Variants in MCU observed in about 807,000 individuals in gnomAD.
MCU encodes mitochondrial calcium uniporter.
A neutral mutation model predicts 45.2 loss-of-function variants in MCU; 12 were observed. That is an observed-to-expected ratio of 0.27 (90% CI 0.17 to 0.43). MCU has a LOEUF of 0.43. MCU is among the 20% of genes least tolerant of loss of function. The pLI is 1.00. For synonymous variants in MCU, 160 were observed against 165.1 expected (o/e 0.97, Z 0.24); for missense variants, 324 against 436.7 (o/e 0.74, Z 2.30).
intron 1 of MCU, among the ~76,000 whole-genome samples, chr10:72,759,761 C>T (rs1564548903): frequency 6.6e-6 from 1 of 152,174 alleles, no homozygotes. Context: ...TAAATGAAGT[C>T]ATAAGGGTGG....
intron 1 of MCU, among the ~76,000 whole-genome samples, chr10:72,759,313 A>G (rs1354045358): frequency 6.6e-6 from 1 of 152,110 alleles, no homozygotes; most frequent in East Asian, 1.9e-4. Context: ...TGCACTGGTA[A>G]TTAGATCGGA....
chr10:72,882,126 A>G (rs1233216489), intron 6 of MCU, among the ~76,000 whole-genome samples: 3 of 152,340 alleles, frequency 2.0e-5, no homozygotes, highest in Non-Finnish European at 4.4e-5. Context: ...ATGGACACTT[A>G]TCACTTCCCC....
At chr10:72,839,343 A>G (rs1179085279) in intron 2 of MCU, among the ~76,000 whole-genome samples, 1 of 148,588 alleles carries the variant, frequency 6.7e-6, no homozygotes, top group South Asian at 2.1e-4. Context: ...AGGGTAGCAA[A>G]TTTTTTTTTT....
At chr10:72,749,101 C>T (rs1843457578) in intron 1 of MCU, among the ~76,000 whole-genome samples, 1 of 151,724 alleles carries the variant, frequency 6.6e-6, no homozygotes, top group Non-Finnish European at 1.5e-5. Context: ...AATCTCATCT[C>T]TCCCAATAAT....
At chr10:72,831,208 A>T (rs1844873299) in intron 1 of MCU, among the ~76,000 whole-genome samples, 1 of 152,244 alleles carries the variant, frequency 6.6e-6, no homozygotes, top group South Asian at 2.1e-4. Flanking sequence ...TGATGTTGTC[A>T]TGTTTTATAA....
Position 72,882,770 on chromosome 10 carries a change from T to A in MCU, c.862-1496T>A, listed in dbSNP as rs143563445. Among the ~76,000 whole-genome samples, 965 of 152,324 alleles carry A rather than the reference T, an allele frequency of 6.3e-3. 15 individuals are homozygous for A. Among genetic ancestry groups the A allele is most frequent in the African/African-American group, 0.022 (910 of 41,576 alleles). ...CTTGTGATATTCTATTACCTTGTGA[T>A]GTATGTGATCTCTGTGACCCACACC... On this transcript the variant is annotated intron_variant, in intron 6 of 7. Coordinates refer to ENST00000373053, the MANE Select transcript of MCU (RefSeq NM_138357.3).
chr10:72,744,409 T>G (rs1232913996), intron 1 of MCU, among the ~76,000 whole-genome samples: 2 of 152,162 alleles, frequency 1.3e-5, no homozygotes, highest in Non-Finnish European at 2.9e-5. Flanking sequence ...AGTGCTAGAA[T>G]TTTTGGCTCA....
chr10:72,847,175 A>G (rs1270488586), intron 2 of MCU, among the ~76,000 whole-genome samples: 1 of 152,134 alleles, frequency 6.6e-6, no homozygotes, highest in Admixed American at 6.5e-5. Context: ...GAGTTTTGCC[A>G]TGTTGGCCAG....
intron 1 of MCU, among the ~76,000 whole-genome samples, chr10:72,745,151 TAAAG>T (rs1298002628): frequency 1.3e-5 from 2 of 152,340 alleles, no homozygotes; most frequent in Non-Finnish European, 2.9e-5. Flanking sequence ...TCAGTTTTCT[TAAAG>T]CAAGCTGGTT....
intron 1 of MCU, among the ~76,000 whole-genome samples, chr10:72,706,708 T>G (rs1842825309): frequency 6.6e-6 from 1 of 151,662 alleles, no homozygotes; most frequent in Non-Finnish European, 1.5e-5. Context: ...AGCTAATTTT[T>G]GTACTTGTAG....
chr10:72,760,285 A>G (rs1564549079), intron 1 of MCU, among the ~76,000 whole-genome samples: 1 of 152,052 alleles, frequency 6.6e-6, no homozygotes, highest in Non-Finnish European at 1.5e-5. Flanking sequence ...TCCTGGGCTC[A>G]AGCGATCCTC....
At position 72,871,648 on chromosome 10, in the gene MCU, T is replaced by C. The variant is rs1845544902; in HGVS notation, c.861+68T>C. ...AGTTTTGATTGTCAAAAGAGTTCTT[T>C]TTTCTCATCTTCTAAAGCCAGTTTT... On this transcript the variant is annotated intron_variant, in intron 6 of 7. Transcript: ENST00000373053. 3.7e-6 allele frequency: 5 copies of C among 1,366,586 alleles called. No individual in the cohort carries two copies. In the East Asian group the frequency reaches 1.2e-4, roughly 32 times the overall value. 84.7% of individuals were successfully genotyped at this position (1,366,586 alleles called of 1,614,324 possible).
intron 1 of MCU, among the ~76,000 whole-genome samples, chr10:72,727,208 C>T (rs920519481): frequency 1.3e-5 from 2 of 152,126 alleles, no homozygotes; most frequent in Non-Finnish European, 2.9e-5. Context: ...CTGTAGAGAA[C>T]GTGTGGGTAG....
intron 1 of MCU, among the ~76,000 whole-genome samples, chr10:72,830,059 A>G (rs1348212206): frequency 4.6e-5 from 7 of 152,214 alleles, no homozygotes. Flanking sequence ...ACATTTTCTT[A>G]AAGGGCCAGA....
At chr10:72,808,453 C>T (rs1300821867) in intron 1 of MCU, among the ~76,000 whole-genome samples, 2 of 152,116 alleles carry the variant, frequency 1.3e-5, no homozygotes, top group Non-Finnish European at 2.9e-5. Context: ...CAGGTACATT[C>T]TTAATATTCA....
At chr10:72,735,091 C>G (rs568765733) in intron 1 of MCU, among the ~76,000 whole-genome samples, 1 of 141,868 alleles carries the variant, frequency 7.0e-6, no homozygotes, top group South Asian at 2.4e-4. Flanking sequence ...AAAAAAAATT[C>G]GTCTGTGTTG....
chr10:72,855,234 A>C (rs549726333), intron 2 of MCU, among the ~76,000 whole-genome samples: 308 of 151,988 alleles, frequency 2.0e-3, no homozygotes, highest in African/African-American at 7.2e-3. Context: ...GCAAGACCCT[A>C]TCTCAAAAAA....
chr10:72,778,488 T>C (rs1345581685), intron 1 of MCU, among the ~76,000 whole-genome samples: 6 of 151,978 alleles, frequency 3.9e-5, no homozygotes, highest in Non-Finnish European at 8.8e-5. Flanking sequence ...CTCATGAAGA[T>C]AGAGTGTAGA....
At chr10:72,695,627 CAT>C (rs1188545565) in intron 1 of MCU, among the ~76,000 whole-genome samples, 1 of 151,968 alleles carries the variant, frequency 6.6e-6, no homozygotes, top group Non-Finnish European at 1.5e-5. Context: ...GCACTTTACA[CAT>C]GAGGAAACCT....
Sources: allele counts gnomAD v4.1 joint callset (sites outside exome capture counted in the v4.1 genomes callset), GRCh38; gene constraint gnomAD v4.1.1; transcripts MANE v1.5; gene names NCBI Gene and HGNC (gene_info 2026-07-23, HGNC 2026-07-21).